DHDDS: variants seen among roughly 807,000 people sequenced by gnomAD.
The protein encoded by DHDDS is dehydrodolichyl diphosphate synthase subunit.
DHDDS carries 16 observed loss-of-function variants against 46.2 expected under a neutral mutation model. The observed-to-expected ratio is 0.35, with a 90% CI of 0.23 to 0.53. DHDDS has a LOEUF of 0.53. DHDDS is among the 20% of genes least tolerant of loss of function. DHDDS has a pLI of 0.94. For missense variants in DHDDS, 340 were observed against 423.7 expected (o/e 0.80, Z 1.73); for synonymous variants, 151 against 163.1 (o/e 0.93, Z 0.56).
intron 7 of DHDDS, 151 bp from the exon 8 acceptor site, chr1:26,459,886 C>G: frequency 1.4e-6 from 1 of 706,282 alleles, no homozygotes; most frequent in East Asian, 2.6e-5. Context: ...TCAGGGCCAG[C>G]AGCAGCTGCA....
chr1:26,462,086 C>T (rs1360089784), intron 8 of DHDDS, among the ~76,000 whole-genome samples: 1 of 144,868 alleles, frequency 6.9e-6, no homozygotes, highest in African/African-American at 2.6e-5. Flanking sequence ...TTAGCAGGGT[C>T]TCACTCTGTT....
Position 26,432,903 on chromosome 1 carries a change from G to T in DHDDS, c.-43G>T. 1 of 1,601,432 alleles carries T rather than the reference G, an allele frequency of 6.2e-7. No individual in the cohort carries two copies. The highest frequency in any genetic ancestry group is 1.1e-5 in the South Asian group (1 of 90,772). On this transcript the variant is annotated 5_prime_UTR_variant, in exon 2 of 9. Coordinates refer to ENST00000236342, the MANE Select transcript of DHDDS (RefSeq NM_205861.3). ...TTGTTTATCCAAGATTACCTGGCTGGTGTTTGCTTGTTCTGGAGTGATCTT... is the reference window on the plus strand; with the variant it reads ...TTGTTTATCCAAGATTACCTGGCTGTTGTTTGCTTGTTCTGGAGTGATCTT...
At chr1:26,468,811 G>GGC in intron 8 of DHDDS, 84 bp from the exon 9 acceptor site, 27 of 637,934 alleles carry the variant, frequency 4.2e-5, no homozygotes, top group South Asian at 6.7e-5. Context: ...CCCACCCTGT[G>GGC]CCCCACCCCC....
chr1:26,442,892 G>A lies in DHDDS; in HGVS notation c.323+19G>A, dbSNP rs1029543449. Reference sequence around the variant, plus strand: ...AAGAAAAGTAAGATGCTATCAGAGGGGAGAGCATGTTCTTCCACCACCCCC... The same window carrying A: ...AAGAAAAGTAAGATGCTATCAGAGGAGAGAGCATGTTCTTCCACCACCCCC... On this transcript the variant is annotated intron_variant, in intron 4 of 8. Coordinates refer to ENST00000236342, the MANE Select transcript of DHDDS (RefSeq NM_205861.3). The A allele has an allele frequency of 1.2e-6, 2 of 1,613,672 alleles. No homozygotes were observed. The highest frequency in any genetic ancestry group is 1.3e-5 in the African/African-American group (1 of 74,906).
intron 8 of DHDDS, among the ~76,000 whole-genome samples, chr1:26,463,120 A>G (rs2075441913): frequency 6.6e-6 from 1 of 152,192 alleles, no homozygotes; most frequent in Admixed American, 6.5e-5. Context: ...AAGGACTTTA[A>G]TCAGGGGATG....
chr1:26,462,062 GTT>G (rs754576508), intron 8 of DHDDS, among the ~76,000 whole-genome samples: 10 of 129,858 alleles, frequency 7.7e-5, no homozygotes, highest in African/African-American at 1.4e-4. Flanking sequence ...GCTATTTTTT[GTT>G]TTTTTTTTTT....
chr1:26,433,217 G>A (rs993672924), intron 2 of DHDDS: 3 of 617,708 alleles, frequency 4.9e-6, no homozygotes, highest in Non-Finnish European at 8.6e-6. Context: ...GGAAGCCCAG[G>A]CCTCTTAATG....
chr1:26,469,294 G>T lies in DHDDS; in HGVS notation c.*163G>T, dbSNP rs1396900407. ...AGGTTTGCTGGCCATAGATACCTTT[G>T]GGCTGCCTGGGACAGGCTCCTGAGG... On this transcript the variant is annotated 3_prime_UTR_variant, in exon 9 of 9. Transcript: ENST00000236342. 30 of 1,330,158 alleles carry T rather than the reference G, an allele frequency of 2.3e-5. No homozygotes were observed. Among genetic ancestry groups the T allele is most frequent in the Non-Finnish European group, 3.1e-5 (30 of 962,374 alleles). The allele number at this position is 1,330,158 out of a possible 1,614,324, so 82.4% of individuals were successfully genotyped here. A position where few individuals can be genotyped will look rare whatever the true frequency, so the allele number is the denominator to read the frequency against.
Position 26,458,480 on chromosome 1 carries a change from G to A in DHDDS, c.657+575G>A, listed in dbSNP as rs113542606. On this transcript the variant is annotated intron_variant, in intron 7 of 8. Coordinates refer to ENST00000236342, the MANE Select transcript of DHDDS (RefSeq NM_205861.3). The stretch of plus-strand genomic sequence containing the variant: ...ACGCAGGGCGTGGTGGCTCACGCCT[G>A]TAATCCTAGCACTTTGGGAGGCTGA... 3.1e-3 allele frequency among the ~76,000 whole-genome samples: 469 copies of A among 152,300 alleles called. 3 individuals are homozygous for A. The highest frequency in any genetic ancestry group is 0.011 in the African/African-American group (448 of 41,556).
chr1:26,449,327 C>T (rs1287141111), intron 6 of DHDDS, among the ~76,000 whole-genome samples: 2 of 151,822 alleles, frequency 1.3e-5, no homozygotes, highest in Non-Finnish European at 2.9e-5. Flanking sequence ...TCTTGAACTC[C>T]CAACCTCAAG....
rs1347376529 is a variant in DHDDS at position 26,438,181 on chromosome 1, C to T, written c.77C>T (p.Pro26Leu). Residue 26 changes from proline to leucine, a missense_variant, in exon 3 of 9, where the codon CCG (proline) becomes CTG (leucine). By Grantham distance (98) the Pro-to-Leu change is moderately conservative (BLOSUM62 -3). This residue lies in a region of DHDDS where 72 missense variants were observed against 123.5 expected (regional missense o/e 0.58). Transcript: ENST00000236342. The stretch of plus-strand genomic sequence containing the variant: ...CCTATTCCACAGGCAGGCCCAATGC[C>T]GAAACACATTGCATTCATAATGGAC... ...CANIIKAGPM[P>L]KHIAFIMDGN... is the part of the protein sequence containing the mutation. The T allele has an allele frequency of 8.1e-6, 13 of 1,613,804 alleles. No individual in the cohort carries two copies. The highest frequency in any genetic ancestry group is 1.0e-5 in the Non-Finnish European group (12 of 1,179,804).
intron 6 of DHDDS, among the ~76,000 whole-genome samples, chr1:26,451,404 ATGTGTGTGTGTGTGTGTGTGTG>A (rs35376620): frequency 3.4e-4 from 46 of 136,006 alleles, no homozygotes; most frequent in Admixed American, 8.0e-4. Flanking sequence ...ATGTATGTAG[ATGTGTGTGTGTGTGTGTGTGTG>A]TGTGTGTGTG....
intron 2 of DHDDS, among the ~76,000 whole-genome samples, chr1:26,434,685 C>G (rs1368453430): frequency 6.6e-6 from 1 of 152,168 alleles, no homozygotes; most frequent in South Asian, 2.1e-4. Context: ...TGCAGTCTTA[C>G]TCTGTTGCCC....
chr1:26,446,223 T>C (rs1034142543), intron 4 of DHDDS, 93 bp from the exon 5 acceptor site: 34 of 1,067,020 alleles, frequency 3.2e-5, no homozygotes, highest in Non-Finnish European at 4.7e-5. Flanking sequence ...AGGAAAGCAC[T>C]CAAAAAACTG....
Position 26,460,112 on chromosome 1 carries a change from C to G in DHDDS, c.733C>G (p.Leu245Val), listed in dbSNP as rs1305856826. 4 of 1,614,024 alleles carry G rather than the reference C, an allele frequency of 2.5e-6. No individual in the cohort carries two copies. The African/African-American group carries it at 5.3e-5, about 22-fold the overall frequency. ...YTFWNLFEAI[L>V]QFQMNHSVLQ... ...ATTTTGGAACCTCTTCGAGGCCATC[C>G]TGCAGTTCCAGATGAACCATAGCGT... The change falls in exon 8 of 9, where the codon CTG becomes GTG. Residue 245 changes from leucine (L) to valine (V), a missense_variant. Around this residue, in one of 2 missense-constraint regions of DHDDS, gnomAD observed 268 missense variants for 300.3 expected, o/e 0.89. Coordinates refer to ENST00000236342, the MANE Select transcript of DHDDS (RefSeq NM_205861.3).
intron 3 of DHDDS, among the ~76,000 whole-genome samples, chr1:26,440,078 T>C (rs1235195886): frequency 6.6e-6 from 1 of 152,178 alleles, no homozygotes; most frequent in Non-Finnish European, 1.5e-5. Flanking sequence ...AGGCGGAGCT[T>C]ACAGTGAGCC....
intron 6 of DHDDS, among the ~76,000 whole-genome samples, chr1:26,456,541 C>T (rs368959150): frequency 1.3e-5 from 2 of 151,950 alleles, no homozygotes; most frequent in African/African-American, 2.4e-5. Context: ...TACAGGCATG[C>T]GGCACCACAC....
chr1:26,467,005 C>T (rs1162038104), intron 8 of DHDDS: 2 of 201,408 alleles, frequency 9.9e-6, no homozygotes, highest in Admixed American at 5.0e-5. Flanking sequence ...TTGCTCATTA[C>T]TCCCACTGCC....
In DHDDS at chr1:26,454,537, A is replaced by G. The variant is rs767966638; in HGVS notation, c.543-3254A>G. The G allele has an allele frequency of 4.5e-4, 262 of 587,268 alleles. 1 individual carries two copies. Among genetic ancestry groups the G allele is most frequent in the Non-Finnish European group, 6.9e-4 (232 of 334,558 alleles). 36.4% of individuals were successfully genotyped at this position (587,268 alleles called of 1,614,324 possible). ...AAAGTGCACTCAAATCTATTATTTC[A>G]TTTGATTTGACCCTCATGATAACCT... is the stretch of plus-strand genomic sequence containing the variant. On this transcript the variant is annotated intron_variant, in intron 6 of 8. Transcript: ENST00000236342.
Sources: gnomAD v4.1 joint callset for allele counts (sites outside exome capture counted in the v4.1 genomes callset) on GRCh38, gnomAD v4.1.1 for gene constraint, gnomAD v4.1.1 regional missense constraint, MANE v1.5 for transcripts, NCBI Gene and HGNC (gene_info 2026-07-23, HGNC 2026-07-21) for gene names.